ZBTB16: variants seen among roughly 807,000 people sequenced by gnomAD.
ZBTB16 encodes the protein zinc finger and BTB domain-containing protein 16.
In ZBTB16, 8 loss-of-function variants were observed where a neutral mutation model predicts 56.8. The observed-to-expected ratio is 0.14, with a 90% confidence interval of 0.08 to 0.25. The LOEUF (loss-of-function observed/expected upper bound fraction) is 0.25, where lower values mean the gene tolerates loss of function less well. ZBTB16 is among the 10% of genes least tolerant of loss of function. The pLI is 1.00. For synonymous variants in ZBTB16, 363 were observed against 368.5 expected (o/e 0.98, Z 0.17); for missense variants, 625 against 903.0 (o/e 0.69, Z 3.95).
intron 3 of ZBTB16, among the ~76,000 whole-genome samples, chr11:114,162,793 G>C: frequency 6.6e-6 from 1 of 152,278 alleles, no homozygotes; most frequent in South Asian, 2.1e-4. Flanking sequence ...CCTCCCTTCG[G>C]TCCGCATGGG....
At position 114,252,820 on chromosome 11, in the gene ZBTB16, A is replaced by T. The variant is rs1469179706; in HGVS notation, c.*2265A>T. ...CCCCAGCCCTCCTGCCCTCCCCTTC[A>T]ATCTCATCCACCAAATCTGAAGGCC... On this transcript the variant is annotated 3_prime_UTR_variant, in exon 7 of 7. Transcript: ENST00000335953. Among the ~76,000 whole-genome samples the T allele has an allele frequency of 6.6e-6, 1 of 151,934 alleles. No individual in the cohort carries two copies. Among genetic ancestry groups the T allele is most frequent in the East Asian group, 1.9e-4 (1 of 5,140 alleles).
intron 2 of ZBTB16, among the ~76,000 whole-genome samples, chr11:114,152,873 GAC>G (rs1361393085): frequency 6.6e-6 from 1 of 152,206 alleles, no homozygotes; most frequent in Non-Finnish European, 1.5e-5. Context: ...CTTATGAAAA[GAC>G]AGGACTAGAT....
intron 2 of ZBTB16, among the ~76,000 whole-genome samples, chr11:114,109,563 C>T (rs140543639): frequency 1.7e-4 from 26 of 152,228 alleles, no homozygotes; most frequent in African/African-American, 4.6e-4. Flanking sequence ...AATGTGTTCC[C>T]GCAGGATGGG....
intron 3 of ZBTB16, among the ~76,000 whole-genome samples, chr11:114,176,953 T>C (rs1474364704): frequency 6.6e-6 from 1 of 152,166 alleles, no homozygotes; most frequent in South Asian, 2.1e-4. Flanking sequence ...TTAGAGAACA[T>C]AGTGTCTCAT....
intron 2 of ZBTB16, among the ~76,000 whole-genome samples, chr11:114,073,194 G>A (rs73000913): frequency 0.031 from 4,691 of 152,180 alleles, 94 homozygotes; most frequent in South Asian, 0.049. Context: ...GGCTTCTTGC[G>A]AGGAGGAAGG....
Position 114,100,694 on chromosome 11 carries a change from A to G in ZBTB16, c.1268+36126A>G, listed in dbSNP as rs529084918. Among the ~76,000 whole-genome samples the G allele has an allele frequency of 2.0e-5, 3 of 152,300 alleles. No individual in the cohort carries two copies. In the South Asian group the frequency reaches 6.2e-4, roughly 32 times the overall value. On this transcript the variant is annotated intron_variant, in intron 2 of 6. Transcript: ENST00000335953. ...TTGCGTTTACTCAGGCACAGATGGA[A>G]AAAGATGAAACTCAATGAGGACCCT...
At chr11:114,235,053 T>A (rs1190127199) in intron 4 of ZBTB16, among the ~76,000 whole-genome samples, 1 of 139,974 alleles carries the variant, frequency 7.1e-6, no homozygotes, top group Non-Finnish European at 1.6e-5. Context: ...GGGCTGGGGG[T>A]GGAGGGAGGG....
chr11:114,125,765 C>T (rs1330704460), intron 2 of ZBTB16, among the ~76,000 whole-genome samples: 4 of 152,126 alleles, frequency 2.6e-5, no homozygotes, highest in Non-Finnish European at 4.4e-5. Context: ...GCAGGAGCGC[C>T]ATCTTGCTTT....
intron 4 of ZBTB16, among the ~76,000 whole-genome samples, chr11:114,199,755 G>A (rs1291444652): frequency 6.6e-6 from 1 of 152,164 alleles, no homozygotes; most frequent in African/African-American, 2.4e-5. Flanking sequence ...TTGATGGTCT[G>A]TATTTTTCTC....
At chr11:114,174,666 A>G (rs1943061256) in intron 3 of ZBTB16, among the ~76,000 whole-genome samples, 1 of 152,250 alleles carries the variant, frequency 6.6e-6, no homozygotes, top group African/African-American at 2.4e-5. Flanking sequence ...AATGAAAGAA[A>G]TAAAGCCTTT....
chr11:114,124,795 T>C (rs1332672949), intron 2 of ZBTB16, among the ~76,000 whole-genome samples: 1 of 152,184 alleles, frequency 6.6e-6, no homozygotes, highest in African/African-American at 2.4e-5. Context: ...TCTCACTTGC[T>C]CTCATTGTCA....
At chr11:114,093,114 T>A (rs151004571) in intron 2 of ZBTB16, among the ~76,000 whole-genome samples, 1 of 152,282 alleles carries the variant, frequency 6.6e-6, no homozygotes, top group Non-Finnish European at 1.5e-5. Context: ...CCTGCCTGAC[T>A]TCAGTGGCCG....
intron 2 of ZBTB16, among the ~76,000 whole-genome samples, chr11:114,128,962 G>T (rs944468300): frequency 6.6e-6 from 1 of 152,222 alleles, no homozygotes; most frequent in Admixed American, 6.5e-5. Flanking sequence ...AAGGGACAGA[G>T]ACAGGCCCCA....
Position 114,095,552 on chromosome 11 carries a change from G to A in ZBTB16, c.1268+30984G>A, listed in dbSNP as rs79454496. Among the ~76,000 whole-genome samples, 3 of 152,134 alleles carry A rather than the reference G, an allele frequency of 2.0e-5. No individual in the cohort carries two copies. The South Asian group carries it at 6.2e-4, about 32-fold the overall frequency. On this transcript the variant is annotated intron_variant, in intron 2 of 6. Coordinates refer to ENST00000335953, the MANE Select transcript of ZBTB16 (RefSeq NM_006006.6). ...TGGGATTACAGGCGTGAGCCACCACGCCCGGCCACCAATTTCTTATACATA... is the reference window on the plus strand; with the variant it reads ...TGGGATTACAGGCGTGAGCCACCACACCCGGCCACCAATTTCTTATACATA...
chr11:114,092,050 G>A (rs1299767533), intron 2 of ZBTB16, among the ~76,000 whole-genome samples: 1 of 152,206 alleles, frequency 6.6e-6, no homozygotes, highest in Non-Finnish European at 1.5e-5. Flanking sequence ...GGCCGAGGCT[G>A]TGCTGGCCGG....
At chr11:114,068,706 A>AG (rs1939217178) in intron 2 of ZBTB16, among the ~76,000 whole-genome samples, 1 of 152,160 alleles carries the variant, frequency 6.6e-6, no homozygotes, top group Admixed American at 6.5e-5. Context: ...TGCCTGAGGG[A>AG]GGGGAAGATC....
intron 5 of ZBTB16, among the ~76,000 whole-genome samples, chr11:114,243,063 C>T (rs1055501751): frequency 6.6e-6 from 1 of 152,176 alleles, no homozygotes; most frequent in Non-Finnish European, 1.5e-5. Context: ...TCCCTGATGG[C>T]CAAGAGGCAT....
At chr11:114,185,404 T>G (rs1943338342) in intron 3 of ZBTB16, among the ~76,000 whole-genome samples, 1 of 152,022 alleles carries the variant, frequency 6.6e-6, no homozygotes, top group Non-Finnish European at 1.5e-5. Flanking sequence ...TCTGGGAAGG[T>G]AAGTGGTGCC....
intron 4 of ZBTB16, among the ~76,000 whole-genome samples, chr11:114,192,918 C>T (rs1265621454): frequency 1.3e-5 from 2 of 152,252 alleles, no homozygotes; most frequent in African/African-American, 2.4e-5. Flanking sequence ...GCTGCCCTCT[C>T]AGCCAGGGGC....
Sources: gnomAD v4.1 joint callset for allele counts (sites outside exome capture counted in the v4.1 genomes callset) on GRCh38, gnomAD v4.1.1 for gene constraint, MANE v1.5 for transcripts, NCBI Gene and HGNC (gene_info 2026-07-23, HGNC 2026-07-21) for gene names.